Variants in SAMD12 observed in about 807,000 individuals in gnomAD.
SAMD12 encodes sterile alpha motif domain-containing protein 12.
A neutral mutation model predicts 15.0 loss-of-function variants in SAMD12; 9 were observed. The observed-to-expected ratio is 0.60, with a 90% CI of 0.36 to 1.05. SAMD12 has a LOEUF of 1.05. Ranked by LOEUF, SAMD12 falls within the 50% of genes least tolerant of loss-of-function variation. SAMD12 has a pLI of 0.01. For missense variants in SAMD12, 230 were observed against 234.2 expected, an observed-to-expected ratio of 0.98 and a Z score of 0.12; for synonymous variants, 86 against 90.1, an observed-to-expected ratio of 0.96 and a Z score of 0.25.
intron 2 of SAMD12, among the ~76,000 whole-genome samples, chr8:118,573,179 G>A (rs1827065723): frequency 1.3e-5 from 2 of 152,104 alleles, no homozygotes; most frequent in Non-Finnish European, 2.9e-5. Context: ...CCACCTCCTG[G>A]GTTCAAGCGA....
chr8:118,551,812 C>G (rs2131183114), intron 2 of SAMD12, among the ~76,000 whole-genome samples: 1 of 152,056 alleles, frequency 6.6e-6, no homozygotes, highest in African/African-American at 2.4e-5. Context: ...AGAGAAGAAT[C>G]AAACAGATGC....
intron 3 of SAMD12, among the ~76,000 whole-genome samples, chr8:118,431,850 G>T (rs1822428894): frequency 6.6e-6 from 1 of 152,020 alleles, no homozygotes; most frequent in African/African-American, 2.4e-5. Flanking sequence ...CTATTCTTCT[G>T]TCTTCTTCTT....
chr8:118,289,993 G>C (rs1457749540), intron 4 of SAMD12, among the ~76,000 whole-genome samples: 1 of 152,116 alleles, frequency 6.6e-6, no homozygotes. Context: ...TTTAGGTCTT[G>C]TCTGTTTCTA....
chr8:118,486,141 G>A (rs923886949), intron 2 of SAMD12, among the ~76,000 whole-genome samples: 71 of 152,274 alleles, frequency 4.7e-4, no homozygotes, highest in Non-Finnish European at 6.6e-4. Context: ...TAGGCTGGGG[G>A]TGGTGGCTCA....
intron 4 of SAMD12, among the ~76,000 whole-genome samples, chr8:118,294,240 G>C (rs1302713374): frequency 6.6e-6 from 1 of 152,172 alleles, no homozygotes; most frequent in Non-Finnish European, 1.5e-5. Context: ...CCATTTTCTT[G>C]CTCAATGAGT....
chr8:118,486,320 G>A (rs1249551853), intron 2 of SAMD12, among the ~76,000 whole-genome samples: 3 of 152,028 alleles, frequency 2.0e-5, no homozygotes, highest in South Asian at 2.1e-4. Flanking sequence ...GGAGGCTGAG[G>A]CAGGAGAATG....
intron 2 of SAMD12, among the ~76,000 whole-genome samples, chr8:118,473,343 C>T (rs1586745783): frequency 6.6e-6 from 1 of 152,128 alleles, no homozygotes; most frequent in African/African-American, 2.4e-5. Context: ...CTAGTGAGTA[C>T]GCCATCTGTT....
intron 2 of SAMD12, among the ~76,000 whole-genome samples, chr8:118,441,038 A>T (rs1413791803): frequency 6.6e-6 from 1 of 152,092 alleles, no homozygotes; most frequent in African/African-American, 2.4e-5. Context: ...TCTCTATCAA[A>T]TCTTTCAGAT....
chr8:118,250,021 T>G (rs1812783294), intron 4 of SAMD12, among the ~76,000 whole-genome samples: 1 of 152,104 alleles, frequency 6.6e-6, no homozygotes, highest in Admixed American at 6.5e-5. Context: ...GAGATCAGGC[T>G]GAGCAGATCT....
the SAMD12 span, among the ~76,000 whole-genome samples, chr8:118,152,450 C>CCTTCCTT: frequency 1.9e-5 from 2 of 106,384 alleles, no homozygotes; most frequent in African/African-American, 7.3e-5. Flanking sequence ...CTTCCTCCCT[C>CCTTCCTT]CCTCCCTACC....
intron 4 of SAMD12, among the ~76,000 whole-genome samples, chr8:118,216,403 T>G (rs976810942): frequency 1.3e-5 from 2 of 151,776 alleles, no homozygotes; most frequent in Non-Finnish European, 2.9e-5. Flanking sequence ...TTCTCCCATT[T>G]TGTAGGTTGC....
In SAMD12 at chr8:118,498,878, A is replaced by C. The variant is rs73317338; in HGVS notation, c.193-58917T>G. Among the ~76,000 whole-genome samples the C allele has an allele frequency of 8.4e-3, 1,285 of 152,310 alleles. 20 individuals are homozygous for C. Among genetic ancestry groups the C allele is most frequent in the African/African-American group, 0.029 (1,220 of 41,536 alleles). On this transcript the variant is annotated intron_variant, in intron 2 of 3. Transcript: ENST00000314727. ...GTCAAAACACAGAACCTTTCCTCAG[A>C]CAGTATAGTGTCTTGTGCTATGAAG...
chr8:118,551,383 C>T (rs1168325702), intron 2 of SAMD12, among the ~76,000 whole-genome samples: 18 of 151,726 alleles, frequency 1.2e-4, no homozygotes, highest in African/African-American at 2.4e-4. Flanking sequence ...CACTCAAAAC[C>T]GCTCAACTAC....
rs73327507 is a variant in SAMD12, at chr8:118,378,291, A to G, written c.*1126T>C. 2,275 of 672,798 alleles carry G rather than the reference A, an allele frequency of 3.4e-3. 40 individuals are homozygous for G. The African/African-American group carries it at 0.041, about 12-fold the overall frequency. 41.7% of individuals were successfully genotyped at this position (672,798 alleles called of 1,614,324 possible). Reference sequence around the variant, plus strand: ...TGCTTGTAAATTTTCCGTTTTCCAAATAGCACTGTGACAGACTTTCTTATC... The same window carrying G: ...TGCTTGTAAATTTTCCGTTTTCCAAGTAGCACTGTGACAGACTTTCTTATC... On this transcript the variant is annotated 3_prime_UTR_variant, in exon 4 of 4. Coordinates refer to ENST00000314727, the MANE Select transcript of SAMD12 (RefSeq NM_207506.3).
At chr8:118,292,721 A>G (rs1442021194) in intron 4 of SAMD12, among the ~76,000 whole-genome samples, 1 of 152,088 alleles carries the variant, frequency 6.6e-6, no homozygotes, top group African/African-American at 2.4e-5. Context: ...CTATGCAGCC[A>G]TAAAAAATGA....
chr8:118,326,790 C>T (rs1816586140), intron 4 of SAMD12, among the ~76,000 whole-genome samples: 1 of 152,146 alleles, frequency 6.6e-6, no homozygotes, highest in Admixed American at 6.5e-5. Flanking sequence ...CAAGGTGCTT[C>T]ATCTAATTAA....
intron 3 of SAMD12, among the ~76,000 whole-genome samples, chr8:118,424,801 C>T (rs764246551): frequency 2.6e-5 from 4 of 152,078 alleles, no homozygotes; most frequent in South Asian, 2.1e-4. Flanking sequence ...CCATAAATGA[C>T]GCCATCTAAA....
chr8:118,264,762 A>G (rs1468336815), intron 4 of SAMD12, among the ~76,000 whole-genome samples: 2 of 152,110 alleles, frequency 1.3e-5, no homozygotes, highest in Non-Finnish European at 2.9e-5. Flanking sequence ...GGGAGTGACA[A>G]TGACATTTTG....
intron 4 of SAMD12, among the ~76,000 whole-genome samples, chr8:118,357,192 A>C (rs1818271380): frequency 6.6e-6 from 1 of 152,214 alleles, no homozygotes; most frequent in Non-Finnish European, 1.5e-5. Context: ...CAGCATGGTG[A>C]CTACAGTTAA....
Sources: gnomAD v4.1 joint callset for allele counts (sites outside exome capture counted in the v4.1 genomes callset) on GRCh38, gnomAD v4.1.1 for gene constraint, MANE v1.5 for transcripts, NCBI Gene and HGNC (gene_info 2026-07-23, HGNC 2026-07-21) for gene names.